MPP7: variants seen among roughly 807,000 people sequenced by gnomAD.
MPP7 encodes the protein MAGUK p55 scaffold protein 7.
A neutral mutation model predicts 76.5 loss-of-function variants in MPP7; 60 were observed. The observed-to-expected ratio is 0.78, with a 90% CI of 0.64 to 0.97. MPP7 has a LOEUF of 0.97. Ranked by LOEUF, MPP7 falls within the 50% of genes least tolerant of loss-of-function variation. The pLI, the probability that MPP7 is intolerant of heterozygous loss-of-function variation, is 0.00. For missense variants in MPP7, 641 were observed against 694.0 expected (o/e 0.92, Z 0.86); for synonymous variants, 237 against 244.5 (o/e 0.97, Z 0.29).
rs540004267 is a variant in MPP7, at chr10:28,317,467, G to A, written c.-132+12462C>T. 5.3e-5 allele frequency among the ~76,000 whole-genome samples: 8 copies of A among 152,216 alleles called. No homozygotes were observed. The South Asian group carries it at 1.2e-3, about 24-fold the overall frequency. ...GATTACTTGAGCTCAAGAGTTCGAGGCTGCAGTGAGCTGTGACCATACCAT... is the reference window on the plus strand; with the variant it reads ...GATTACTTGAGCTCAAGAGTTCGAGACTGCAGTGAGCTGTGACCATACCAT... On this transcript the variant is annotated intron_variant, in intron 2 of 11. Coordinates refer to the MPP7 transcript ENST00000441595.
chr10:28,156,402 C>CATATGATACAAACTACACCATGTT (rs1836063607), intron 3 of MPP7, among the ~76,000 whole-genome samples: 3 of 152,174 alleles, frequency 2.0e-5, no homozygotes, highest in Non-Finnish European at 2.9e-5. Context: ...TACACCATGT[C>CATATGATACAAACTACACCATGTT]GTGTATACAT....
intron 6 of MPP7, among the ~76,000 whole-genome samples, chr10:28,128,804 T>C (rs1306654456): frequency 6.6e-6 from 1 of 152,164 alleles, no homozygotes; most frequent in Non-Finnish European, 1.5e-5. Flanking sequence ...ATTTAAAGAT[T>C]AGAAGAAAAG....
At chr10:28,196,290 G>A (rs1042091972) in intron 3 of MPP7, among the ~76,000 whole-genome samples, 1 of 152,086 alleles carries the variant, frequency 6.6e-6, no homozygotes, top group Non-Finnish European at 1.5e-5. Context: ...AGACCACCCT[G>A]GCCAACATGG....
rs117105952 is a variant in MPP7, at chr10:28,316,689, G to A, written c.-132+13240C>T. On this transcript the variant is annotated intron_variant, in intron 2 of 11. Transcript: ENST00000441595. ...TCTATTTTAAACAGATGATATATAC[G>A]TATGGAGTTGTATGTAGACATGCAT... Among the ~76,000 whole-genome samples, 46 of 152,182 alleles carry A rather than the reference G, an allele frequency of 3.0e-4. No homozygotes were observed. The East Asian group carries it at 7.3e-3, about 24-fold the overall frequency.
chr10:28,264,499 G>A (rs555980941), intron 1 of MPP7, among the ~76,000 whole-genome samples: 66 of 151,938 alleles, frequency 4.3e-4, no homozygotes, highest in African/African-American at 1.4e-3. Context: ...AAATTAGACC[G>A]TCCTGGTGTC....
chr10:28,283,398 G>A (rs970474371), intron 1 of MPP7, among the ~76,000 whole-genome samples: 1 of 152,130 alleles, frequency 6.6e-6, no homozygotes, highest in Admixed American at 6.5e-5. Flanking sequence ...GCTGAATTAA[G>A]CATGGACATC....
chr10:28,253,766 C>T (rs868169342), intron 1 of MPP7, among the ~76,000 whole-genome samples: 2 of 151,920 alleles, frequency 1.3e-5, no homozygotes, highest in African/African-American at 2.4e-5. Flanking sequence ...GAGGCCAAGG[C>T]GGGTGGATCA....
intron 2 of MPP7, among the ~76,000 whole-genome samples, chr10:28,220,384 C>T (rs1489569140): frequency 2.0e-5 from 3 of 152,012 alleles, no homozygotes; most frequent in African/African-American, 7.3e-5. Flanking sequence ...TTCCAAAAAT[C>T]GATTACATTT....
In MPP7 at chr10:28,054,166, T is replaced by C; in HGVS notation, c.1630A>G (p.Ile544Val). Residue 544 changes from isoleucine (I) to valine (V), a missense_variant, in exon 17 of 17, where the codon ATA (isoleucine) becomes GTA (valine). Coordinates refer to ENST00000683449, the MANE Select transcript of MPP7 (RefSeq NM_001318170.2). ...QYGHLFDKIIINDDLTVAFNE... is the reference protein window; with the variant it reads ...QYGHLFDKIIVNDDLTVAFNE... ...AATGCCACAGTGAGGTCATCATTTA[T>C]TATAATTTTGTCAAAAAGATGACCA... The C allele has an allele frequency of 1.9e-6, 3 of 1,608,314 alleles. No individual in the cohort carries two copies. The highest frequency in any genetic ancestry group is 2.6e-6 in the Non-Finnish European group (3 of 1,175,806).
chr10:28,175,406 G>A (rs573398275), intron 3 of MPP7, among the ~76,000 whole-genome samples: 7 of 150,356 alleles, frequency 4.7e-5, no homozygotes, highest in Non-Finnish European at 8.9e-5. Context: ...CAAGAAGATG[G>A]GGGAGAGGAG....
At chr10:28,226,475 G>A (rs1490635163) in intron 2 of MPP7, among the ~76,000 whole-genome samples, 1 of 152,130 alleles carries the variant, frequency 6.6e-6, no homozygotes, top group Non-Finnish European at 1.5e-5. Flanking sequence ...TCGAACTTCT[G>A]ACCTCAGGTG....
intron 3 of MPP7, among the ~76,000 whole-genome samples, chr10:28,176,314 C>T (rs796658721): frequency 2.2e-4 from 34 of 151,894 alleles, no homozygotes; most frequent in African/African-American, 7.7e-4. Flanking sequence ...AGCAAAGAAG[C>T]AATCAAAGCC....
chr10:28,324,624 A>G (rs1444146199), intron 2 of MPP7, among the ~76,000 whole-genome samples: 1 of 152,214 alleles, frequency 6.6e-6, no homozygotes, highest in Non-Finnish European at 1.5e-5. Flanking sequence ...CTGCCAAAAG[A>G]ATAAAAAGTA....
At chr10:28,302,533 T>A (rs1841183019) in intron 1 of MPP7, among the ~76,000 whole-genome samples, 1 of 152,126 alleles carries the variant, frequency 6.6e-6, no homozygotes, top group Non-Finnish European at 1.5e-5. Context: ...AACTCCGCAG[T>A]TTTTCCTCCA....
intron 3 of MPP7, among the ~76,000 whole-genome samples, chr10:28,189,275 G>C (rs1373103140): frequency 6.6e-6 from 1 of 151,956 alleles, no homozygotes; most frequent in African/African-American, 2.4e-5. Context: ...TCTGAAAATA[G>C]ACCTAGGTCA....
intron 11 of MPP7, chr10:28,118,053 T>C (rs1834712992): frequency 1.0e-6 from 1 of 959,646 alleles, no homozygotes; most frequent in South Asian, 4.9e-5. Flanking sequence ...GACATTTCAG[T>C]AAAGATAAAT....
rs116127780 is a variant in MPP7 at position 28,194,892 on chromosome 10, T to C, written c.156+7261A>G. Reference sequence around the variant, plus strand: ...ATTAATAATAATGTATCAACCAACATTGGTTCGTTAATTGACAAATGTACC... The same window carrying C: ...ATTAATAATAATGTATCAACCAACACTGGTTCGTTAATTGACAAATGTACC... On this transcript the variant is annotated intron_variant, in intron 3 of 16. Transcript: ENST00000683449. 2.9e-3 allele frequency among the ~76,000 whole-genome samples: 442 copies of C among 152,300 alleles called. 1 individual carries two copies. The highest frequency in any genetic ancestry group is 9.8e-3 in the African/African-American group (407 of 41,570).
chr10:28,243,283 A>C (rs773939518), intron 1 of MPP7, among the ~76,000 whole-genome samples: 14 of 152,158 alleles, frequency 9.2e-5, no homozygotes, highest in South Asian at 2.1e-4. Context: ...TCATTTTGCT[A>C]TGTTAACTGA....
At chr10:28,123,963 C>G in intron 8 of MPP7, 68 bp downstream of exon 8, 1 of 1,084,244 alleles carries the variant, frequency 9.2e-7, no homozygotes, top group Admixed American at 1.7e-5. Flanking sequence ...CAAACCAAGT[C>G]TAAAAGTCTG....
Sources: allele counts gnomAD v4.1 joint callset (sites outside exome capture counted in the v4.1 genomes callset), GRCh38; gene constraint gnomAD v4.1.1; transcripts MANE v1.5; gene names NCBI Gene and HGNC (gene_info 2026-07-23, HGNC 2026-07-21).